FNIP2: variants seen among roughly 807,000 people sequenced by gnomAD.
FNIP2 encodes the protein folliculin-interacting protein 2.
A neutral mutation model predicts 108.7 loss-of-function variants in FNIP2; 32 were observed. That is an observed-to-expected ratio of 0.29 (90% CI 0.22 to 0.40). The LOEUF (loss-of-function observed/expected upper bound fraction) is 0.40, where lower values mean the gene tolerates loss of function less well. Ranked by LOEUF, FNIP2 falls within the 10% of genes least tolerant of loss-of-function variation. FNIP2 has a pLI of 1.00. For synonymous variants in FNIP2, 480 were observed against 496.7 expected, an observed-to-expected ratio of 0.97 and a Z score of 0.45; for missense variants, 1,202 against 1,381.6, an observed-to-expected ratio of 0.87 and a Z score of 2.06.
At position 158,891,665 on chromosome 4, in the gene FNIP2, A is replaced by C. The variant is rs184847308; in HGVS notation, c.3150+19A>C. On this transcript the variant is annotated intron_variant, in intron 15 of 16. Transcript: ENST00000264433. ...TGATTTTGTAAGTACTGGTTCTTAT[A>C]TCACCAAAGAAATCTAGTTTTAAAA... The C allele has an allele frequency of 1.9e-5, 30 of 1,578,276 alleles. No homozygotes were observed. The highest frequency in any genetic ancestry group is 2.5e-5 in the Non-Finnish European group (29 of 1,156,748).
rs190875167 is a variant in FNIP2, at chr4:158,861,380, C to T, written c.1187C>T (p.Ala396Val). ...IWNLYSVPRI[A>V]EPVWLTMMSG... ...AACTTATATTCTGTTCCAAGGATAGCTGAACCTGTATGGCTTACTATGATG... is the reference window on the plus strand; with the variant it reads ...AACTTATATTCTGTTCCAAGGATAGTTGAACCTGTATGGCTTACTATGATG... The change falls in exon 11 of 17, where the codon GCT becomes GTT. Residue 396 changes from alanine (A) to valine (V), a missense_variant. By Grantham distance (64) the Ala-to-Val change is moderately conservative. Coordinates refer to ENST00000264433, the MANE Select transcript of FNIP2 (RefSeq NM_020840.3). 2 of 1,614,002 alleles carry T rather than the reference C, an allele frequency of 1.2e-6. No homozygotes were observed. The highest frequency in any genetic ancestry group is 3.3e-5 in the Admixed American group (2 of 60,032).
chr4:158,835,497 G>C, intron 7 of FNIP2, 21 bp downstream of exon 7: 1 of 1,603,448 alleles, frequency 6.2e-7, no homozygotes, highest in Middle Eastern at 1.7e-4. Context: ...TCTGTTTATT[G>C]GTTTAACTAA....
intron 12 of FNIP2, among the ~76,000 whole-genome samples, chr4:158,867,782 G>C (rs892781100): frequency 6.6e-6 from 1 of 152,134 alleles, no homozygotes; most frequent in Admixed American, 6.5e-5. Context: ...CAGAGCTCTG[G>C]CTTTAGCCTT....
intron 1 of FNIP2, 121 bp downstream of exon 1, chr4:158,769,440 C>A: frequency 3.7e-6 from 2 of 538,028 alleles, no homozygotes; most frequent in Non-Finnish European, 5.7e-6. Context: ...CTATCGCCGG[C>A]ACCTGGTCCC....
intron 12 of FNIP2, among the ~76,000 whole-genome samples, chr4:158,867,876 G>A (rs974311284): frequency 2.0e-5 from 3 of 152,202 alleles, no homozygotes; most frequent in Admixed American, 6.5e-5. Context: ...ACAGCAGCAC[G>A]ACTCCCACAC....
At chr4:158,903,604 T>TTA (rs1209416174) in intron 16 of FNIP2, among the ~76,000 whole-genome samples, 1 of 152,158 alleles carries the variant, frequency 6.6e-6, no homozygotes, top group Non-Finnish European at 1.5e-5. Flanking sequence ...CATCCTTCCT[T>TTA]TATCCCCTTC....
chr4:158,773,718 A>G (rs1775770405), intron 1 of FNIP2, among the ~76,000 whole-genome samples: 1 of 152,106 alleles, frequency 6.6e-6, no homozygotes, highest in Non-Finnish European at 1.5e-5. Flanking sequence ...AACTGTTTTC[A>G]CTTGCATATT....
At chr4:158,889,923 G>T in intron 14 of FNIP2, 1 of 985,186 alleles carries the variant, frequency 1.0e-6, no homozygotes, top group African/African-American at 1.7e-5. Context: ...AGAAGTCACT[G>T]AAGCCTTGTA....
rs139781073 is a variant in FNIP2, at chr4:158,902,278, A to G, written c.3267-2188A>G. 6.6e-5 allele frequency among the ~76,000 whole-genome samples: 10 copies of G among 152,248 alleles called. No individual in the cohort carries two copies. In the East Asian group the frequency reaches 1.9e-3, roughly 29 times the overall value. On this transcript the variant is annotated intron_variant, in intron 16 of 16. Transcript: ENST00000264433. ...GTCTGCTGTGGTTTGTTGGAGGTCC[A>G]CTACAGACCCTGTTTGCCTGGGTAT...
intron 1 of FNIP2, among the ~76,000 whole-genome samples, chr4:158,771,747 A>T (rs1413412334): frequency 1.3e-5 from 2 of 152,164 alleles, no homozygotes; most frequent in African/African-American, 2.4e-5. Context: ...AGAATCTAAG[A>T]TCCAACTTTT....
intron 12 of FNIP2, among the ~76,000 whole-genome samples, chr4:158,867,088 G>T (rs1780625342): frequency 6.6e-6 from 1 of 152,148 alleles, no homozygotes; most frequent in Non-Finnish European, 1.5e-5. Context: ...TGCCCTTATT[G>T]TCTCCTCCTT....
intron 8 of FNIP2, among the ~76,000 whole-genome samples, chr4:158,854,485 G>A (rs1440555410): frequency 3.3e-5 from 5 of 152,202 alleles, no homozygotes; most frequent in East Asian, 1.9e-4. Context: ...CCTGACTGCC[G>A]GGCCAGTTGC....
At chr4:158,848,643 C>T (rs1779533849) in intron 7 of FNIP2, among the ~76,000 whole-genome samples, 1 of 152,090 alleles carries the variant, frequency 6.6e-6, no homozygotes, top group African/African-American at 2.4e-5. Context: ...GCACCAGGGG[C>T]CAGTCCTGGA....
chr4:158,778,804 G>A (rs531405518), intron 1 of FNIP2, among the ~76,000 whole-genome samples: 2 of 152,222 alleles, frequency 1.3e-5, no homozygotes, highest in Non-Finnish European at 2.9e-5. Context: ...AATTTTACCA[G>A]TCCTCTACTG....
intron 1 of FNIP2, among the ~76,000 whole-genome samples, chr4:158,804,094 C>A (rs1776853949): frequency 6.6e-6 from 1 of 152,098 alleles, no homozygotes; most frequent in African/African-American, 2.4e-5. Flanking sequence ...TCCACCACCA[C>A]ACCTGGCTAA....
Position 158,769,063 on chromosome 4 carries a change from C to T in FNIP2, c.-150C>T, listed in dbSNP as rs537392225. The T allele has an allele frequency of 2.4e-3, 390 of 160,016 alleles. 1 individual carries two copies. Among genetic ancestry groups the T allele is most frequent in the African/African-American group, 8.6e-3 (353 of 41,220 alleles). The allele number at this position is 160,016 out of a possible 1,614,324, so 9.9% of individuals were successfully genotyped here. A position where few individuals can be genotyped will look rare whatever the true frequency, so the allele number is the denominator to read the frequency against. On this transcript the variant is annotated 5_prime_UTR_variant, in exon 1 of 17. Transcript: ENST00000264433. ...GGCAGCCGGCGGCTCCGGCGCCGAG[C>T]AGAGTTACTCAGTCGCAGCGGCCCC...
In FNIP2 at chr4:158,868,420, C is replaced by G; in HGVS notation, c.1784C>G (p.Pro595Arg). Residue 595 changes from proline to arginine, a missense_variant, in exon 13 of 17, where the codon CCG (proline) becomes CGG (arginine). This residue lies in a region of FNIP2 where 878 missense variants were observed against 990.3 expected (regional missense o/e 0.89). Transcript: ENST00000264433. The surrounding 1 kb of genome is among the most constrained non-coding windows in gnomAD (Gnocchi z 4.6). Reference protein sequence around the residue: ...PTAAERHNPWPTGFPECPEGT... With the variant: ...PTAAERHNPWRTGFPECPEGT... ...GCAGCAGAGAGACACAACCCCTGGC[C>G]GACAGGGTTTCCTGAGTGCCCAGAG... 6.2e-7 allele frequency: 1 copy of G among 1,614,012 alleles called. No homozygotes were observed. Among genetic ancestry groups the G allele is most frequent in the South Asian group, 1.1e-5 (1 of 91,080 alleles).
Position 158,906,848 on chromosome 4 carries a change from C to T in FNIP2, c.*2304C>T, listed in dbSNP as rs1371614651. ...CAGAATTGTGTTGAGATCCACCGCT[C>T]ACACGCCGTACACCACCCAGTGGCT... is the stretch of plus-strand genomic sequence containing the variant. On this transcript the variant is annotated 3_prime_UTR_variant, in exon 17 of 17. Coordinates refer to ENST00000264433, the MANE Select transcript of FNIP2 (RefSeq NM_020840.3). The T allele has an allele frequency of 6.6e-6, 1 of 152,140 alleles. No individual in the cohort carries two copies. Among genetic ancestry groups the T allele is most frequent in the East Asian group, 1.9e-4 (1 of 5,200 alleles). The allele number at this position is 152,140 out of a possible 1,614,324, so 9.4% of individuals were successfully genotyped here.
intron 1 of FNIP2, chr4:158,808,775 T>G (rs1266379246): frequency 1.3e-5 from 2 of 152,216 alleles, no homozygotes; most frequent in Non-Finnish European, 2.9e-5. Context: ...CCAAGTGGTC[T>G]TCTTAGTTGA....
Sources: allele counts gnomAD v4.1 joint callset (sites outside exome capture counted in the v4.1 genomes callset), GRCh38; gene constraint gnomAD v4.1.1; regional missense constraint gnomAD v4.1.1; non-coding constraint Gnocchi (gnomAD v3.1); transcripts MANE v1.5; gene names NCBI Gene and HGNC (gene_info 2026-07-23, HGNC 2026-07-21).